SP4: variants seen among roughly 807,000 people sequenced by gnomAD.
The protein encoded by SP4 is transcription factor Sp4.
Under a neutral mutation model 72.8 loss-of-function variants are expected in SP4, and 19 were observed. That is an observed-to-expected ratio of 0.26 (90% CI 0.18 to 0.38). SP4 has a LOEUF of 0.38. Among genes scored for constraint, SP4 ranks in the 10% least tolerant of loss-of-function variants. The pLI is 1.00. For missense variants in SP4, 1,008 were observed against 926.3 expected (o/e 1.09, Z -1.14); for synonymous variants, 395 against 333.1 (o/e 1.19, Z -2.02).
At chr7:21,508,616 C>T (rs531291875) in intron 5 of SP4, among the ~76,000 whole-genome samples, 9 of 152,166 alleles carry the variant, frequency 5.9e-5, no homozygotes, top group South Asian at 4.2e-4. Flanking sequence ...TGTGAGCCAC[C>T]GCGCCCAGCC....
rs2128418790 is a variant in SP4, at chr7:21,514,762, C to T, written c.*3493C>T. On this transcript the variant is annotated 3_prime_UTR_variant, in exon 6 of 6. Coordinates refer to ENST00000222584, the MANE Select transcript of SP4 (RefSeq NM_003112.5). The stretch of plus-strand genomic sequence containing the variant: ...CTATTAAAAATTCCCTTGAGTTTAA[C>T]ATGTTTCATTTAATTATGTATACTA... 1 of 152,272 alleles carries T rather than the reference C, an allele frequency of 6.6e-6. No individual in the cohort carries two copies. Among genetic ancestry groups the T allele is most frequent in the African/African-American group, 2.4e-5 (1 of 41,560 alleles). The allele number at this position is 152,272 out of a possible 1,614,324, so 9.4% of individuals were successfully genotyped here.
intron 3 of SP4, among the ~76,000 whole-genome samples, chr7:21,469,132 A>C (rs527427266): frequency 1.3e-5 from 2 of 152,326 alleles, no homozygotes; most frequent in East Asian, 3.8e-4. Flanking sequence ...ACAGTACAGT[A>C]ATGGCTTTGT....
In SP4 at chr7:21,455,044, C is replaced by T. The variant is rs543679236; in HGVS notation, c.1679-22035C>T. On this transcript the variant is annotated intron_variant, in intron 3 of 5. Transcript: ENST00000222584. The stretch of plus-strand genomic sequence containing the variant: ...TCCCTTGGCTTTGTACTGTTGATGG[C>T]AACAATGTCTGATTTGGAAGCCAGC... Among the ~76,000 whole-genome samples, 3 of 152,188 alleles carry T rather than the reference C, an allele frequency of 2.0e-5. No individual in the cohort carries two copies. In the South Asian group the frequency reaches 6.2e-4, roughly 32 times the overall value.
At chr7:21,437,853 A>T (rs182309025) in intron 3 of SP4, among the ~76,000 whole-genome samples, 1 of 152,324 alleles carries the variant, frequency 6.6e-6, no homozygotes, top group Admixed American at 6.5e-5. Flanking sequence ...CACATTTTAA[A>T]TGGGACATTG....
At chr7:21,481,052 T>C (rs1001382576) in intron 4 of SP4, among the ~76,000 whole-genome samples, 1 of 152,186 alleles carries the variant, frequency 6.6e-6, no homozygotes, top group Non-Finnish European at 1.5e-5. Context: ...TCAACTGGCC[T>C]CTCCTGGCTT....
chr7:21,470,620 G>A (rs2128406625), intron 3 of SP4, among the ~76,000 whole-genome samples: 1 of 152,076 alleles, frequency 6.6e-6, no homozygotes, highest in Non-Finnish European at 1.5e-5. Flanking sequence ...AAAAACTACT[G>A]GTACTAAAAG....
rs113372304 is a variant in SP4, at chr7:21,462,051, C to T, written c.1679-15028C>T. On this transcript the variant is annotated intron_variant, in intron 3 of 5. Coordinates refer to ENST00000222584, the MANE Select transcript of SP4 (RefSeq NM_003112.5). ...AGTTTTTTTTTTTTTTTTTTGAAGA[C>T]AGGATCTCACTCTGTTACCCAGGCA... 2.1e-3 allele frequency among the ~76,000 whole-genome samples: 262 copies of T among 125,888 alleles called. 1 individual carries two copies. The highest frequency in any genetic ancestry group is 0.016 in the Middle Eastern group (3 of 182). The allele number at this position is 125,888 out of a possible 152,430, so 82.6% of individuals were successfully genotyped here. A position where few individuals can be genotyped will look rare whatever the true frequency, so the allele number is the denominator to read the frequency against.
intron 5 of SP4, among the ~76,000 whole-genome samples, chr7:21,507,794 C>G (rs935326600): frequency 8.6e-5 from 13 of 152,000 alleles, no homozygotes; most frequent in Non-Finnish European, 1.6e-4. Context: ...TGAGCTTTTC[C>G]CTGTGTTCTC....
chr7:21,442,353 A>T (rs4722031), intron 3 of SP4, among the ~76,000 whole-genome samples: 115,980 of 152,150 alleles, frequency 0.76, 44,871 homozygotes, highest in African/African-American at 0.9. Context: ...TTTTAAATCT[A>T]TAAAATTAAA....
intron 5 of SP4, among the ~76,000 whole-genome samples, chr7:21,504,262 A>G (rs1313258284): frequency 1.3e-5 from 2 of 152,174 alleles, no homozygotes; most frequent in Admixed American, 1.3e-4. Context: ...CCCAGGTACC[A>G]ATTATTTTCC....
intron 3 of SP4, among the ~76,000 whole-genome samples, chr7:21,462,923 A>G (rs1383727978): frequency 6.6e-6 from 1 of 152,248 alleles, no homozygotes; most frequent in Non-Finnish European, 1.5e-5. Context: ...TGTGCTGTTC[A>G]ATATGAAAGC....
At chr7:21,492,387 A>G (rs1785002271) in intron 5 of SP4, among the ~76,000 whole-genome samples, 1 of 152,240 alleles carries the variant, frequency 6.6e-6, no homozygotes, top group African/African-American at 2.4e-5. Context: ...TCTAATTCAC[A>G]GCGCTCCAAA....
intron 3 of SP4, among the ~76,000 whole-genome samples, chr7:21,457,773 G>T (rs1346668663): frequency 2.6e-5 from 4 of 151,216 alleles, no homozygotes; most frequent in Non-Finnish European, 5.9e-5. Flanking sequence ...TTCAATAGGG[G>T]TGTGTGTGTG....
intron 5 of SP4, among the ~76,000 whole-genome samples, chr7:21,505,733 T>C (rs936458317): frequency 6.6e-6 from 1 of 152,192 alleles, no homozygotes; most frequent in Non-Finnish European, 1.5e-5. Context: ...TTATAGCCCT[T>C]AGATCTTGTA....
chr7:21,464,865 C>T (rs1053222762), intron 3 of SP4, among the ~76,000 whole-genome samples: 2 of 152,156 alleles, frequency 1.3e-5, no homozygotes, highest in Non-Finnish European at 2.9e-5. Context: ...TCTAAAGGAC[C>T]GGAAGTAGCT....
In SP4 at chr7:21,477,284, T is replaced by G; in HGVS notation, c.1884T>G (p.Pro628=). 1 of 1,613,012 alleles carries G rather than the reference T, an allele frequency of 6.2e-7. No individual in the cohort carries two copies. Among genetic ancestry groups the G allele is most frequent in the Non-Finnish European group, 8.5e-7 (1 of 1,179,032 alleles). Residue 628 remains proline (P), a synonymous_variant, in exon 4 of 6, where the codon CCT becomes CCG. Transcript: ENST00000222584. ...KRLRRVACSC[P]NCREGEGRGS... The stretch of plus-strand genomic sequence containing the variant: ...TTCGAAGAGTTGCCTGTTCCTGTCC[T>G]AATTGTAGGGAAGGAGAAGGAAGGT...
At chr7:21,434,730 A>G (rs911883190) in intron 3 of SP4, among the ~76,000 whole-genome samples, 1 of 152,294 alleles carries the variant, frequency 6.6e-6, no homozygotes, top group African/African-American at 2.4e-5. Context: ...CTTGTACCCA[A>G]CAGGTATTTT....
chr7:21,492,430 C>G (rs1252109758), intron 5 of SP4, among the ~76,000 whole-genome samples: 1 of 152,134 alleles, frequency 6.6e-6, no homozygotes, highest in African/African-American at 2.4e-5. Flanking sequence ...GCAGGACGCT[C>G]AAAAGAAATA....
intron 3 of SP4, among the ~76,000 whole-genome samples, chr7:21,465,419 A>G (rs1329616752): frequency 2.6e-5 from 4 of 152,180 alleles, no homozygotes; most frequent in Non-Finnish European, 4.4e-5. Flanking sequence ...CTAGGTTCAC[A>G]TCTTAGCTTT....
Sources: allele counts gnomAD v4.1 joint callset (sites outside exome capture counted in the v4.1 genomes callset), GRCh38; gene constraint gnomAD v4.1.1; transcripts MANE v1.5; gene names NCBI Gene and HGNC (gene_info 2026-07-23, HGNC 2026-07-21).